TUBA1C: variants seen among roughly 807,000 people sequenced by gnomAD.
TUBA1C encodes the protein tubulin alpha-1C chain.
TUBA1C carries 16 observed loss-of-function variants against 34.9 expected under a neutral mutation model. That is an observed-to-expected ratio of 0.46 (90% CI 0.31 to 0.70). The LOEUF (loss-of-function observed/expected upper bound fraction) is 0.70, where lower values mean the gene tolerates loss of function less well. TUBA1C is among the 30% of genes least tolerant of loss of function. The pLI is 0.05. For synonymous variants in TUBA1C, 177 were observed against 215.9 expected (o/e 0.82, Z 1.58); for missense variants, 329 against 587.3 (o/e 0.56, Z 4.55).
rs956881321 is a variant in TUBA1C at position 49,274,068 on chromosome 12, A to C, written c.*841A>C. The C allele has an allele frequency of 4.6e-5, 7 of 152,250 alleles. No homozygotes were observed. Among genetic ancestry groups the C allele is most frequent in the African/African-American group, 1.4e-4 (6 of 41,434 alleles). The allele number at this position is 152,250 out of a possible 1,614,324, so 9.4% of individuals were successfully genotyped here. ...CGGAGACCCCTGACTCTCAAATTTA[A>C]AAACAAAATGCAGGTTCTAATTCTA... is the stretch of plus-strand genomic sequence containing the variant. On this transcript the variant is annotated 3_prime_UTR_variant, in exon 4 of 4. Coordinates refer to ENST00000301072, the MANE Select transcript of TUBA1C (RefSeq NM_032704.5).
Position 49,227,965 on chromosome 12 carries a change from G to A in TUBA1C, c.12G>A (p.Trp4Ter). Residue 4 changes from tryptophan to a stop codon, truncating the protein, a stop_gained, in exon 1 of 4, where the codon TGG becomes TGA. Transcript: ENST00000541364. LOFTEE classifies it high-confidence loss of function. The stretch of plus-strand genomic sequence containing the variant: ...CGCCCAGCTCTAAAATGACAGCCTG[G>A]TTCAATGGGGTGGAGGAGCTAGGGA... 6.5e-7 allele frequency: 1 copy of A among 1,535,688 alleles called. No individual in the cohort carries two copies. The highest frequency in any genetic ancestry group is 8.7e-7 in the Non-Finnish European group (1 of 1,146,896).
At chr12:49,256,500 C>A in intron 1 of TUBA1C, 1 of 448,862 alleles carries the variant, frequency 2.2e-6, no homozygotes, top group Non-Finnish European at 4.5e-6. Flanking sequence ...TTCCGTATCA[C>A]CCATTTACAA....
At chr12:49,257,220 T>C (rs749779992) in intron 1 of TUBA1C, among the ~76,000 whole-genome samples, 13 of 150,678 alleles carry the variant, frequency 8.6e-5, no homozygotes, top group Non-Finnish European at 1.3e-4. Context: ...GAGGGAAGGG[T>C]TGGGATTCCA....
At chr12:49,260,856 G>C (rs753169858), upstream of TUBA1C, among the ~76,000 whole-genome samples, 1 of 152,126 alleles carries the variant, frequency 6.6e-6, no homozygotes, top group South Asian at 2.1e-4. Flanking sequence ...AAAGCCTTCC[G>C]AGTAGCTGGC....
chr12:49,271,649 G>A (rs1942992950), intron 3 of TUBA1C, among the ~76,000 whole-genome samples: 1 of 152,202 alleles, frequency 6.6e-6, no homozygotes, highest in African/African-American at 2.4e-5. Context: ...CAGTACCAGG[G>A]TGTTAGAACT....
At chr12:49,242,969 G>A (rs1395146835) in intron 1 of TUBA1C, among the ~76,000 whole-genome samples, 2 of 152,028 alleles carry the variant, frequency 1.3e-5, no homozygotes, top group African/African-American at 4.8e-5. Context: ...ACCACACCCA[G>A]CTAATTTTTG....
intron 1 of TUBA1C, among the ~76,000 whole-genome samples, chr12:49,230,853 T>C (rs1942488942): frequency 6.6e-6 from 1 of 152,226 alleles, no homozygotes; most frequent in African/African-American, 2.4e-5. Context: ...CAAGTCCTGA[T>C]GTGGACACTT....
chr12:49,247,078 T>C (rs1942677382), intron 1 of TUBA1C, among the ~76,000 whole-genome samples: 1 of 149,510 alleles, frequency 6.7e-6, no homozygotes. Flanking sequence ...AGATGGAGGT[T>C]ACAGTGAACT....
chr12:49,265,559 C>T (rs1942896421), intron 1 of TUBA1C, among the ~76,000 whole-genome samples: 2 of 152,214 alleles, frequency 1.3e-5, no homozygotes, highest in African/African-American at 4.8e-5. Context: ...TTCCTACTGC[C>T]TTACAAACTG....
Position 49,273,236 on chromosome 12 carries a change from C to T in TUBA1C, c.*9C>T. The T allele has an allele frequency of 6.2e-6, 10 of 1,614,186 alleles. No individual in the cohort carries two copies. Among genetic ancestry groups the T allele is most frequent in the Non-Finnish European group, 7.6e-6 (9 of 1,180,034 alleles). On this transcript the variant is annotated 3_prime_UTR_variant, in exon 4 of 4. Transcript: ENST00000301072. ...AGGGTGAAGAGTATTAACCTGTGTG[C>T]TGTACTTTTACACTCCTTTGTCTTG...
At chr12:49,236,890 A>G (rs944653828) in intron 1 of TUBA1C, among the ~76,000 whole-genome samples, 1 of 152,208 alleles carries the variant, frequency 6.6e-6, no homozygotes, top group East Asian at 1.9e-4. Context: ...TGATATTATA[A>G]TCTTACGGAA....
At chr12:49,268,127 C>T (rs1250449268) in intron 1 of TUBA1C, among the ~76,000 whole-genome samples, 1 of 152,168 alleles carries the variant, frequency 6.6e-6, no homozygotes, top group African/African-American at 2.4e-5. Context: ...GACACAGAGT[C>T]TTGCCTCTGT....
chr12:49,254,488 A>C (rs996805028), intron 1 of TUBA1C, among the ~76,000 whole-genome samples: 1 of 138,964 alleles, frequency 7.2e-6, no homozygotes, highest in South Asian at 2.2e-4. Flanking sequence ...TCTAAACAAA[A>C]AAAAAAAAAA....
At chr12:49,263,238 T>C (rs1942859152), upstream of TUBA1C, among the ~76,000 whole-genome samples, 2 of 152,056 alleles carry the variant, frequency 1.3e-5, no homozygotes, top group African/African-American at 4.8e-5. Context: ...GCCAGGCTGG[T>C]CTCAAACTTT....
rs898353072 is a variant in TUBA1C, at chr12:49,274,271, G to C, written c.*1044G>C. ...ACTACAGGTGTGTTCCACCATGCCTGGCTGATTCTTGTAATTTTTTTTTTT... is the reference window on the plus strand; with the variant it reads ...ACTACAGGTGTGTTCCACCATGCCTCGCTGATTCTTGTAATTTTTTTTTTT... On this transcript the variant is annotated 3_prime_UTR_variant, in exon 4 of 4. Transcript: ENST00000301072. 6.9e-6 allele frequency: 1 copy of C among 144,518 alleles called. No individual in the cohort carries two copies. 9.0% of individuals were successfully genotyped at this position (144,518 alleles called of 1,614,324 possible).
rs2137027736 is a variant in TUBA1C, at chr12:49,274,233, C to G, written c.*1006C>G. ...TAAGCCATCCTCCCACCTCAGCCTC[C>G]CAAGTAGCCAGGACTACAGGTGTGT... is the stretch of plus-strand genomic sequence containing the variant. On this transcript the variant is annotated 3_prime_UTR_variant, in exon 4 of 4. Transcript: ENST00000301072. The G allele has an allele frequency of 6.6e-6, 1 of 151,550 alleles. No homozygotes were observed. Among genetic ancestry groups the G allele is most frequent in the Admixed American group, 6.6e-5 (1 of 15,168 alleles). 9.4% of individuals were successfully genotyped at this position (151,550 alleles called of 1,614,324 possible). A position where few individuals can be genotyped will look rare whatever the true frequency, so the allele number is the denominator to read the frequency against.
intron 1 of TUBA1C, among the ~76,000 whole-genome samples, chr12:49,265,521 T>G (rs1017404561): frequency 1.3e-5 from 2 of 152,140 alleles, no homozygotes; most frequent in African/African-American, 4.8e-5. Flanking sequence ...TAAAAATCCC[T>G]CCCCACGTTT....
At chr12:49,230,463 A>G (rs1942485338) in intron 1 of TUBA1C, among the ~76,000 whole-genome samples, 1 of 152,090 alleles carries the variant, frequency 6.6e-6, no homozygotes, top group South Asian at 2.1e-4. Context: ...ATATTTGAGC[A>G]TTTACCTTTT....
At chr12:49,251,034 C>T (rs545419431) in intron 1 of TUBA1C, among the ~76,000 whole-genome samples, 13 of 152,032 alleles carry the variant, frequency 8.6e-5, no homozygotes, top group African/African-American at 2.2e-4. Flanking sequence ...TGGTGAAACC[C>T]GTCTCAACCA....
Sources: allele counts gnomAD v4.1 joint callset (sites outside exome capture counted in the v4.1 genomes callset), GRCh38; gene constraint gnomAD v4.1.1; transcripts MANE v1.5; gene names NCBI Gene and HGNC (gene_info 2026-07-23, HGNC 2026-07-21).